OR11A1: variants seen among roughly 807,000 people sequenced by gnomAD.
OR11A1 encodes the protein olfactory receptor 11A1.
For missense variants in OR11A1, 380 were observed against 378.2 expected, an observed-to-expected ratio of 1.00 and a Z score of -0.04; for synonymous variants, 158 against 152.2, an observed-to-expected ratio of 1.04 and a Z score of -0.28.
intron 1 of OR11A1, among the ~76,000 whole-genome samples, chr6:29,437,188 G>T (rs552362873): frequency 6.6e-6 from 1 of 152,324 alleles, no homozygotes. Context: ...CCATTACTGG[G>T]TATATACCCA....
rs1260700941 is a variant in OR11A1, at chr6:29,431,860, G to T, written c.-265+4C>A. On this transcript the variant is annotated splice_donor_region_variant and intron_variant, in intron 2 of 4. Transcript: ENST00000377149. The stretch of plus-strand genomic sequence containing the variant: ...TGTAAAGAATTTTACAAAAATAAAC[G>T]TACCCGAAATATCGACCCTGTTCTC... The T allele has an allele frequency of 2.0e-6, 2 of 985,100 alleles. No individual in the cohort carries two copies. The highest frequency in any genetic ancestry group is 2.4e-6 in the Non-Finnish European group (2 of 829,832). 61.0% of individuals were successfully genotyped at this position (985,100 alleles called of 1,614,324 possible).
intron 1 of OR11A1, among the ~76,000 whole-genome samples, chr6:29,437,027 G>C (rs1169021399): frequency 6.6e-6 from 1 of 152,198 alleles, no homozygotes; most frequent in African/African-American, 2.4e-5. Flanking sequence ...TCATTAAAAA[G>C]TCAGGAAACG....
At chr6:29,432,252 C>T (rs920848460) in intron 1 of OR11A1, among the ~76,000 whole-genome samples, 1 of 152,100 alleles carries the variant, frequency 6.6e-6, no homozygotes, top group African/African-American at 2.4e-5. Flanking sequence ...TTTTCAAAGG[C>T]GGTTTCCTGA....
Position 29,426,474 on chromosome 6 carries a change from C to T in OR11A1, c.*220G>A, listed in dbSNP as rs750668067. The T allele has an allele frequency of 1.8e-6, 1 of 543,990 alleles. No individual in the cohort carries two copies. The allele number at this position is 543,990 out of a possible 1,614,324, so 33.7% of individuals were successfully genotyped here. A position where few individuals can be genotyped will look rare whatever the true frequency, so the allele number is the denominator to read the frequency against. On this transcript the variant is annotated 3_prime_UTR_variant, in exon 5 of 5. Transcript: ENST00000377149. ...TGAAATAATCTGTACAGTAAACCCC[C>T]ATGACACAAGTTTACCTATGTAACA...
At chr6:29,445,442 GA>G (rs1228166221) in intron 1 of OR11A1, among the ~76,000 whole-genome samples, 1 of 151,014 alleles carries the variant, frequency 6.6e-6, no homozygotes, top group South Asian at 2.1e-4. Flanking sequence ...ACTGAGCAGA[GA>G]AAAGAGAAAG....
chr6:29,446,004 C>T (rs1784734610), intron 1 of OR11A1, among the ~76,000 whole-genome samples: 1 of 152,020 alleles, frequency 6.6e-6, no homozygotes, highest in African/African-American at 2.4e-5. Flanking sequence ...ACCAGGCTTG[C>T]TACACAAAAG....
intron 1 of OR11A1, chr6:29,440,477 G>A: frequency 6.2e-7 from 1 of 1,613,878 alleles, no homozygotes; most frequent in Non-Finnish European, 8.5e-7. Context: ...GGGTGCTGGT[G>A]GGGCTGGGCC....
Position 29,427,700 on chromosome 6 carries a change from G to C in OR11A1, c.-59C>G, listed in dbSNP as rs1387077971. ...GGGGGAGAAATTTTAGCATGTCTCTGCATCTTCTATACCAAGCCTAACGTT... is the reference window on the plus strand; with the variant it reads ...GGGGGAGAAATTTTAGCATGTCTCTCCATCTTCTATACCAAGCCTAACGTT... On this transcript the variant is annotated 5_prime_UTR_variant, in exon 5 of 5. Transcript: ENST00000377149. 6 of 1,551,644 alleles carry C rather than the reference G, an allele frequency of 3.9e-6. No individual in the cohort carries two copies. Among genetic ancestry groups the C allele is most frequent in the Admixed American group, 3.8e-5 (2 of 53,186 alleles).
In OR11A1 at chr6:29,426,655, G is replaced by C; in HGVS notation, c.*39C>G. 1 of 1,514,222 alleles carries C rather than the reference G, an allele frequency of 6.6e-7. No individual in the cohort carries two copies. The highest frequency in any genetic ancestry group is 9.0e-7 in the Non-Finnish European group (1 of 1,112,534). The allele number at this position is 1,514,222 out of a possible 1,614,324, so 93.8% of individuals were successfully genotyped here. The stretch of plus-strand genomic sequence containing the variant: ...CCATCCTGGAAGAGTCCCCAGTGGA[G>C]GTGTCCGAAGTCCAAAATAACATCT... On this transcript the variant is annotated 3_prime_UTR_variant, in exon 5 of 5. Transcript: ENST00000377149.
chr6:29,456,907 A>C (rs1786399179), intron 1 of OR11A1, 80 bp downstream of exon 1: 1 of 152,154 alleles, frequency 6.6e-6, no homozygotes, highest in African/African-American at 2.4e-5. Context: ...TATCTATTTT[A>C]GGATCTTTCT....
Position 29,428,962 on chromosome 6 carries a change from TG to T in OR11A1, c.-139-3del. 1 of 963,882 alleles carries T rather than the reference TG, an allele frequency of 1.0e-6. No individual in the cohort carries two copies. The highest frequency in any genetic ancestry group is 1.2e-6 in the Non-Finnish European group (1 of 810,784). The allele number at this position is 963,882 out of a possible 1,614,324, so 59.7% of individuals were successfully genotyped here. ...TTCAAAGCAATATGTGTTTATTAAC[TG>T]AAGACAATGAGAGAGAATACAGGGA... On this transcript the variant is annotated splice_polypyrimidine_tract_variant and splice_region_variant and intron_variant, in intron 3 of 4. Transcript: ENST00000377149.
chr6:29,446,370 A>T (rs2151390633), intron 1 of OR11A1, among the ~76,000 whole-genome samples: 1 of 152,226 alleles, frequency 6.6e-6, no homozygotes, highest in South Asian at 2.1e-4. Context: ...AAGAAGAGGC[A>T]ATATTATTAA....
chr6:29,439,894 A>T (rs569368117), intron 1 of OR11A1: 2 of 718,290 alleles, frequency 2.8e-6, no homozygotes, highest in African/African-American at 3.5e-5. Context: ...TTCTAATAGA[A>T]AGGGAGATCT....
intron 3 of OR11A1, 93 bp from the exon 4 acceptor site, chr6:29,429,053 C>T (rs1582536872): frequency 5.0e-6 from 1 of 200,466 alleles, no homozygotes; most frequent in Non-Finnish European, 8.9e-6. Flanking sequence ...AATATAAATA[C>T]ATAATACTAA....
At position 29,454,893 on chromosome 6, in the gene OR11A1, A is replaced by AT. The variant is rs149208095; in HGVS notation, c.-389+2093dup. On this transcript the variant is annotated intron_variant, in intron 1 of 4. Transcript: ENST00000377149. ...TTATGATTTGTTTAAAAAAGCAGCC[A>AT]TTTTTTTTATCGCTTCTCGGCCTTT... Among the ~76,000 whole-genome samples, 287 of 151,642 alleles carry AT rather than the reference A, an allele frequency of 1.9e-3. 7 individuals are homozygous for AT. Among genetic ancestry groups the AT allele is most frequent in the Admixed American group, 0.017 (261 of 15,276 alleles).
intron 1 of OR11A1, chr6:29,439,884 T>C: frequency 1.4e-6 from 1 of 690,252 alleles, no homozygotes; most frequent in Non-Finnish European, 2.4e-6. Flanking sequence ...GTCCATGATA[T>C]TCTAATAGAA....
rs146648940 is a variant in OR11A1, at chr6:29,445,196, G to T, written c.-389+11791C>A. Among the ~76,000 whole-genome samples the T allele has an allele frequency of 6.2e-3, 939 of 152,164 alleles. 9 individuals are homozygous for T. Among genetic ancestry groups the T allele is most frequent in the South Asian group, 0.04 (194 of 4,820 alleles). ...TAATTTATGTATTTTTAGTAGAGAC[G>T]GGGTTTCACCATGTTGGCCAGGCTG... On this transcript the variant is annotated intron_variant, in intron 1 of 4. Transcript: ENST00000377149.
In OR11A1 at chr6:29,426,180, T is replaced by A. The variant is rs1782782631; in HGVS notation, c.*514A>T. ...TTGCTGTATTATTTTTAAATATTTA[T>A]GACATATTTAATAAAGAACTAATCA... On this transcript the variant is annotated 3_prime_UTR_variant, in exon 5 of 5. Transcript: ENST00000377149. The A allele has an allele frequency of 6.5e-6, 1 of 152,894 alleles. No individual in the cohort carries two copies. Among genetic ancestry groups the A allele is most frequent in the Admixed American group, 6.5e-5 (1 of 15,292 alleles). The allele number at this position is 152,894 out of a possible 1,614,324, so 9.5% of individuals were successfully genotyped here.
At chr6:29,432,981 G>A (rs934305951) in intron 1 of OR11A1, among the ~76,000 whole-genome samples, 1 of 152,072 alleles carries the variant, frequency 6.6e-6, no homozygotes, top group African/African-American at 2.4e-5. Context: ...ATGCTAAAAG[G>A]TAAGTATATG....
Sources: gnomAD v4.1 joint callset for allele counts (sites outside exome capture counted in the v4.1 genomes callset) on GRCh38, gnomAD v4.1.1 for gene constraint, MANE v1.5 for transcripts, NCBI Gene and HGNC (gene_info 2026-07-23, HGNC 2026-07-21) for gene names.